Variants in KAZN observed in about 807,000 individuals in gnomAD.
KAZN encodes the protein kazrin, periplakin interacting protein.
KAZN carries 40 observed loss-of-function variants against 87.4 expected under a neutral mutation model. The ratio of observed to expected loss-of-function variants is 0.46; its 90% CI spans 0.36 to 0.60. The LOEUF (loss-of-function observed/expected upper bound fraction) is 0.60. Among genes scored for constraint, KAZN ranks in the 20% least tolerant of loss-of-function variants. KAZN has a pLI of 0.00. For missense variants in KAZN, 898 were observed against 1,073.9 expected, an observed-to-expected ratio of 0.84 and a Z score of 2.29; for synonymous variants, 466 against 458.3, an observed-to-expected ratio of 1.02 and a Z score of -0.22.
At chr1:15,098,504 C>A (rs1640895888) in intron 10 of KAZN, among the ~76,000 whole-genome samples, 1 of 152,220 alleles carries the variant, frequency 6.6e-6, no homozygotes, top group Admixed American at 6.5e-5. Flanking sequence ...CTCTCCACCC[C>A]AACTCTTGTT....
chr1:14,713,200 G>A (rs1053225313), intron 1 of KAZN, among the ~76,000 whole-genome samples: 1 of 152,050 alleles, frequency 6.6e-6, no homozygotes, highest in African/African-American at 2.4e-5. Flanking sequence ...TGTTTTCATG[G>A]TGATCCTGAG....
At chr1:14,929,775 C>G in intron 1 of KAZN, 1 of 985,312 alleles carries the variant, frequency 1.0e-6, no homozygotes, top group Non-Finnish European at 1.2e-6. Context: ...TCTTATGTTG[C>G]GGGTGCCAGA....
At chr1:14,515,500 G>A (rs1470705148) in intron 2 of KAZN, among the ~76,000 whole-genome samples, 1 of 152,154 alleles carries the variant, frequency 6.6e-6, no homozygotes, top group African/African-American at 2.4e-5. Flanking sequence ...TGGGAAACCC[G>A]GAAGCAGCAG....
chr1:13,952,360 T>C (rs1373962654), intron 1 of KAZN, among the ~76,000 whole-genome samples: 1 of 147,830 alleles, frequency 6.8e-6, no homozygotes, highest in Non-Finnish European at 1.5e-5. Context: ...ATAATAATAA[T>C]AATAATAATA....
At chr1:14,742,588 G>C (rs1644137458) in intron 1 of KAZN, among the ~76,000 whole-genome samples, 1 of 152,186 alleles carries the variant, frequency 6.6e-6, no homozygotes, top group South Asian at 2.1e-4. Flanking sequence ...CAATAAGCCT[G>C]GAGGTTTCTC....
intron 1 of KAZN, among the ~76,000 whole-genome samples, chr1:14,124,956 T>C (rs987826585): frequency 3.3e-5 from 5 of 152,140 alleles, no homozygotes; most frequent in African/African-American, 9.7e-5. Context: ...GGGCTTCCCA[T>C]TGAGACGCGG....
At chr1:14,898,089 G>A (rs1051370857) in intron 1 of KAZN, among the ~76,000 whole-genome samples, 1 of 152,142 alleles carries the variant, frequency 6.6e-6, no homozygotes, top group Admixed American at 6.5e-5. Flanking sequence ...ATGGTACCCG[G>A]GGGTGAGAAA....
chr1:14,084,755 G>A (rs1272329556), intron 1 of KAZN, among the ~76,000 whole-genome samples: 1 of 151,222 alleles, frequency 6.6e-6, no homozygotes, highest in Admixed American at 6.6e-5. Flanking sequence ...GAGAGGGATA[G>A]CATTAGGAGA....
At chr1:13,944,032 A>T (rs971619905) in intron 1 of KAZN, among the ~76,000 whole-genome samples, 1 of 152,224 alleles carries the variant, frequency 6.6e-6, no homozygotes, top group African/African-American at 2.4e-5. Flanking sequence ...TATCTACCCA[A>T]GAGGAATGAA....
At chr1:14,514,617 A>AT in intron 2 of KAZN, among the ~76,000 whole-genome samples, 1 of 48,310 alleles carries the variant, frequency 2.1e-5, no homozygotes, top group South Asian at 5.9e-4. Flanking sequence ...ATATATATAT[A>AT]TATATATATA....
At chr1:14,254,065 CAT>C (rs946370528) in intron 2 of KAZN, among the ~76,000 whole-genome samples, 15 of 151,876 alleles carry the variant, frequency 9.9e-5, no homozygotes, top group African/African-American at 3.6e-4. Context: ...ACATAAAAAA[CAT>C]AAAAATCTGT....
At chr1:15,080,137 T>C (rs1639928485) in intron 8 of KAZN, among the ~76,000 whole-genome samples, 1 of 152,120 alleles carries the variant, frequency 6.6e-6, no homozygotes, top group South Asian at 2.1e-4. Flanking sequence ...GAGGATGTCC[T>C]CCGAGGTTGG....
intron 3 of KAZN, among the ~76,000 whole-genome samples, chr1:15,043,405 A>G (rs1673119228): frequency 6.6e-6 from 1 of 152,162 alleles, no homozygotes; most frequent in Admixed American, 6.5e-5. Context: ...CTCCTGCCCC[A>G]TTTTACATAA....
intron 1 of KAZN, among the ~76,000 whole-genome samples, chr1:14,682,160 T>C (rs1017366090): frequency 6.6e-6 from 1 of 152,070 alleles, no homozygotes; most frequent in Non-Finnish European, 1.5e-5. Context: ...CATCCACCAT[T>C]CTACTCCCTT....
chr1:14,374,308 A>G (rs10803270), intron 2 of KAZN, among the ~76,000 whole-genome samples: 43,611 of 152,100 alleles, frequency 0.29, 7,163 homozygotes, highest in African/African-American at 0.45. Flanking sequence ...TAATCTCACA[A>G]TGATCATCAG....
At chr1:15,097,674 T>C (rs550570069) in intron 10 of KAZN, among the ~76,000 whole-genome samples, 66 of 152,142 alleles carry the variant, frequency 4.3e-4, no homozygotes, top group Non-Finnish European at 8.5e-4. Flanking sequence ...GAAAAATTAG[T>C]AGGCGTGGTG....
chr1:14,821,559 G>A (rs944558714), intron 1 of KAZN, among the ~76,000 whole-genome samples: 3 of 151,788 alleles, frequency 2.0e-5, no homozygotes, highest in Non-Finnish European at 4.4e-5. Flanking sequence ...AGGTAACTAG[G>A]GTGGGCCCTA....
chr1:14,136,595 C>A (rs1645113814), intron 1 of KAZN, among the ~76,000 whole-genome samples: 1 of 146,822 alleles, frequency 6.8e-6, no homozygotes, highest in South Asian at 2.2e-4. Context: ...AGCTTCCCAG[C>A]AGAGGTGACT....
At chr1:14,866,949 G>A (rs1429753531) in intron 1 of KAZN, among the ~76,000 whole-genome samples, 2 of 152,220 alleles carry the variant, frequency 1.3e-5, no homozygotes, top group African/African-American at 4.8e-5. Context: ...CACAATAATG[G>A]AGAATGCTGT....
Sources: allele counts gnomAD v4.1 joint callset (sites outside exome capture counted in the v4.1 genomes callset), GRCh38; gene constraint gnomAD v4.1.1; transcripts MANE v1.5; gene names NCBI Gene and HGNC (gene_info 2026-07-23, HGNC 2026-07-21).